CDC42BPB: variants seen among roughly 807,000 people sequenced by gnomAD.
The protein encoded by CDC42BPB is serine/threonine-protein kinase MRCK beta.
Under a neutral mutation model 214.9 loss-of-function variants are expected in CDC42BPB, and 37 were observed. The ratio of observed to expected loss-of-function variants is 0.17; its 90% CI spans 0.13 to 0.23. The LOEUF (loss-of-function observed/expected upper bound fraction) is 0.23, where lower values mean the gene tolerates loss of function less well. Ranked by LOEUF, CDC42BPB falls within the 10% of genes least tolerant of loss-of-function variation. The pLI is 1.00. For synonymous variants in CDC42BPB, 931 were observed against 884.0 expected (o/e 1.05, Z -0.94); for missense variants, 1,694 against 2,227.0 (o/e 0.76, Z 4.82).
At chr14:102,941,096 C>A (rs1891870531) in intron 30 of CDC42BPB, 3 of 983,040 alleles carry the variant, frequency 3.1e-6, no homozygotes, top group Non-Finnish European at 3.6e-6. Flanking sequence ...TGCCACACGA[C>A]AAGGGAGCGG....
At chr14:103,047,789 A>G (rs2139771585) in intron 1 of CDC42BPB, among the ~76,000 whole-genome samples, 1 of 151,860 alleles carries the variant, frequency 6.6e-6, no homozygotes, top group African/African-American at 2.4e-5. Context: ...CTGCAGTCCC[A>G]GCTACTCGGG....
chr14:103,002,137 G>A (rs779479476), intron 4 of CDC42BPB, among the ~76,000 whole-genome samples: 31 of 152,112 alleles, frequency 2.0e-4, no homozygotes, highest in Non-Finnish European at 3.7e-4. Context: ...TTTCCATATC[G>A]CTATGAGAGG....
At chr14:102,958,970 T>C (rs1223755471) in intron 21 of CDC42BPB, among the ~76,000 whole-genome samples, 1 of 125,588 alleles carries the variant, frequency 8.0e-6, no homozygotes, top group Admixed American at 7.9e-5. Flanking sequence ...ACTGCACCCA[T>C]CCCAGTGTGA....
chr14:102,967,083 C>T lies in CDC42BPB; in HGVS notation c.2434G>A (p.Ala812Thr). 6.2e-7 allele frequency: 1 copy of T among 1,614,174 alleles called. No individual in the cohort carries two copies. Among genetic ancestry groups the T allele is most frequent in the Non-Finnish European group, 8.5e-7 (1 of 1,180,022 alleles). The change falls in exon 17 of 37, where the codon GCC (alanine) becomes ACC (threonine). Residue 812 changes from alanine (A) to threonine (T), a missense_variant. Physicochemically the swap from Ala to Thr is moderately conservative, Grantham distance 58. Transcript: ENST00000361246. Reference sequence around the variant, plus strand: ...TCCGCAATCTGAGCTTCCCAGTGGGCCACTGACTCCTTCTTGGCTGCCAGA... The same window carrying T: ...TCCGCAATCTGAGCTTCCCAGTGGGTCACTGACTCCTTCTTGGCTGCCAGA... ...QDLAAKKESV[A>T]HWEAQIAEII... is the part of the protein sequence containing the mutation.
Position 102,978,097 on chromosome 14 carries a change from T to C in CDC42BPB, c.1220+29A>G, listed in dbSNP as rs766994736. ...GTTCATCTACCACAGGGGAAGTGTC[T>C]CCCTGGGGAATGATAAATCCAGACA... On this transcript the variant is annotated intron_variant, in intron 9 of 36. Transcript: ENST00000361246. 2.9e-5 allele frequency: 45 copies of C among 1,527,790 alleles called. 2 individuals are homozygous for C. The South Asian group carries it at 5.0e-4, about 17-fold the overall frequency. 94.6% of individuals were successfully genotyped at this position (1,527,790 alleles called of 1,614,324 possible).
In CDC42BPB at chr14:102,933,708, GGCTTCAGGTGTCACAGGCCGGCT is replaced by G; in HGVS notation, c.5117_*3del. The stretch of plus-strand genomic sequence containing the variant: ...TCCCTGGCCCCTGTGGCGAGCTGGC[GGCTTCAGGTGTCACAGGCCGGCT>G]GCTCCAGGCCTTCGAGGGGGAGCTG... On this transcript the variant is annotated stop_lost and 3_prime_UTR_variant, in exon 37 of 37. Transcript: ENST00000361246. The G allele has an allele frequency of 6.8e-7, 1 of 1,462,180 alleles. No homozygotes were observed. Among genetic ancestry groups the G allele is most frequent in the Non-Finnish European group, 8.9e-7 (1 of 1,121,160 alleles). 90.6% of individuals were successfully genotyped at this position (1,462,180 alleles called of 1,614,324 possible).
intron 26 of CDC42BPB, among the ~76,000 whole-genome samples, chr14:102,948,900 G>A (rs901094153): frequency 4.0e-5 from 6 of 151,872 alleles, no homozygotes; most frequent in African/African-American, 1.4e-4. Context: ...ACTGGCGGGT[G>A]CCCCGGGGGA....
chr14:103,029,419 T>C (rs1390028070), intron 1 of CDC42BPB, among the ~76,000 whole-genome samples: 1 of 151,738 alleles, frequency 6.6e-6, no homozygotes. Context: ...GGCAGGCACC[T>C]GTAATCCCAG....
At chr14:102,934,619 C>T (rs1423770752) in intron 36 of CDC42BPB, among the ~76,000 whole-genome samples, 1 of 152,178 alleles carries the variant, frequency 6.6e-6, no homozygotes, top group Admixed American at 6.5e-5. Context: ...ACAAACGCGA[C>T]ACTCTTTCCT....
intron 1 of CDC42BPB, among the ~76,000 whole-genome samples, chr14:103,025,806 C>CAAAA (rs1192104898): frequency 1.3e-5 from 1 of 78,914 alleles, no homozygotes; most frequent in Non-Finnish European, 2.6e-5. Context: ...GACTCTGTCT[C>CAAAA]AAAAAAAAAA....
At chr14:102,963,701 G>A (rs927048757) in intron 19 of CDC42BPB, among the ~76,000 whole-genome samples, 2 of 152,250 alleles carry the variant, frequency 1.3e-5, no homozygotes, top group African/African-American at 4.8e-5. Flanking sequence ...CGGAGTGTGT[G>A]TAAGTGGGAG....
At position 102,932,569 on chromosome 14, in the gene CDC42BPB, C is replaced by T. The variant is rs1325931276; in HGVS notation, c.*1143G>A. ...CAGGGCTAGGCGGTGCTGGGCCACTCAGTGCCGACTTGGGGAAGTGCACGT... is the reference window on the plus strand; with the variant it reads ...CAGGGCTAGGCGGTGCTGGGCCACTTAGTGCCGACTTGGGGAAGTGCACGT... On this transcript the variant is annotated 3_prime_UTR_variant, in exon 37 of 37. Transcript: ENST00000361246. The T allele has an allele frequency of 2.0e-5, 3 of 152,472 alleles. No homozygotes were observed. Among genetic ancestry groups the T allele is most frequent in the African/African-American group, 7.2e-5 (3 of 41,428 alleles). 9.4% of individuals were successfully genotyped at this position (152,472 alleles called of 1,614,324 possible).
chr14:102,949,996 C>T (rs1892410997), intron 25 of CDC42BPB, 92 bp from the exon 26 acceptor site: 5 of 1,565,408 alleles, frequency 3.2e-6, no homozygotes, highest in Non-Finnish European at 4.3e-6. Flanking sequence ...TTCCAGCTGC[C>T]AGGCTGGCGG....
intron 13 of CDC42BPB, 122 bp from the exon 14 acceptor site, chr14:102,970,383 T>G (rs2139467941): frequency 7.1e-6 from 10 of 1,406,356 alleles, no homozygotes; most frequent in Non-Finnish European, 9.3e-6. Flanking sequence ...TGTTCACCCT[T>G]CATCAAATCT....
At chr14:103,013,646 G>A (rs1228132062) in intron 1 of CDC42BPB, among the ~76,000 whole-genome samples, 2 of 152,240 alleles carry the variant, frequency 1.3e-5, no homozygotes, top group Admixed American at 1.3e-4. Context: ...TCAGACAGAG[G>A]TAAAAAGAGC....
intron 33 of CDC42BPB, 50 bp from the exon 34 acceptor site, chr14:102,939,777 T>C (rs1352457715): frequency 2.5e-6 from 4 of 1,614,040 alleles, no homozygotes; most frequent in Admixed American, 1.7e-5. Context: ...AGAATCCTCT[T>C]GGCCCCCTCC....
chr14:103,028,397 G>A (rs993527040), intron 1 of CDC42BPB, among the ~76,000 whole-genome samples: 3 of 152,228 alleles, frequency 2.0e-5, no homozygotes, highest in Non-Finnish European at 4.4e-5. Context: ...TTTCCTTGTG[G>A]GTAAATTAAG....
At chr14:102,975,604 T>C (rs549518937) in intron 11 of CDC42BPB, 80 bp downstream of exon 11, 4 of 1,402,750 alleles carry the variant, frequency 2.9e-6, no homozygotes, top group South Asian at 1.3e-5. Flanking sequence ...TCCCACTTTA[T>C]GAAAAGGACT....
chr14:103,020,021 G>T (rs1886680817), intron 1 of CDC42BPB, among the ~76,000 whole-genome samples: 1 of 152,350 alleles, frequency 6.6e-6, no homozygotes, highest in South Asian at 2.1e-4. Flanking sequence ...GGGTGGGAGG[G>T]TCTGAGGAAA....
Sources: allele counts gnomAD v4.1 joint callset (sites outside exome capture counted in the v4.1 genomes callset), GRCh38; gene constraint gnomAD v4.1.1; transcripts MANE v1.5; gene names NCBI Gene and HGNC (gene_info 2026-07-23, HGNC 2026-07-21).